FGD2: variants seen among roughly 807,000 people sequenced by gnomAD.
FGD2 encodes FYVE, RhoGEF and PH domain containing 2.
FGD2 carries 52 observed loss-of-function variants against 75.9 expected under a neutral mutation model. The ratio of observed to expected loss-of-function variants is 0.69; its 90% CI spans 0.55 to 0.86. The LOEUF is 0.86. Ranked by LOEUF, FGD2 falls within the 40% of genes least tolerant of loss-of-function variation. The pLI is 0.00. For missense variants in FGD2, 790 were observed against 872.0 expected (o/e 0.91, Z 1.18); for synonymous variants, 347 against 348.6 (o/e 1.00, Z 0.05).
rs1427817192 is a variant in FGD2 at position 37,011,787 on chromosome 6, A to G, written c.460A>G (p.Ile154Val). Residue 154 changes from isoleucine to valine, a missense_variant, in exon 4 of 16, where the codon ATC (isoleucine) becomes GTC (valine). Ile to Val is a conservative substitution (Grantham distance 29). Transcript: ENST00000274963. ...TGTGGTCAGGGTCATCTTCTCCAAC[A>G]TCTCCTCCATCTATCAGTTCCATTC... ...EDVVRVIFSN[I>V]SSIYQFHSQF... 1.9e-6 allele frequency: 3 copies of G among 1,613,932 alleles called. No individual in the cohort carries two copies. Among genetic ancestry groups the G allele is most frequent in the Non-Finnish European group, 2.5e-6 (3 of 1,179,998 alleles).
Position 37,021,536 on chromosome 6 carries a change from A to G in FGD2, c.1258A>G (p.Ile420Val). ...GGCCTTCCAAGCAGCCATTGACCAA[A>G]TCGAGAAGCGGAATGAAACCTTCAA... ...MQAFQAAIDQIEKRNETFKAA... is the reference protein window; with the variant it reads ...MQAFQAAIDQVEKRNETFKAA... Residue 420 changes from isoleucine (I) to valine (V), a missense_variant, in exon 12 of 16, where the codon ATC becomes GTC. Ile to Val is a conservative substitution (Grantham distance 29). Coordinates refer to ENST00000274963, the MANE Select transcript of FGD2 (RefSeq NM_173558.4). 1 of 1,613,958 alleles carries G rather than the reference A, an allele frequency of 6.2e-7. No individual in the cohort carries two copies. Among genetic ancestry groups the G allele is most frequent in the Non-Finnish European group, 8.5e-7 (1 of 1,179,896 alleles).
At position 37,022,242 on chromosome 6, in the gene FGD2, C is replaced by T; in HGVS notation, c.1330C>T (p.Gln444Ter). Residue 444 changes from glutamine (Q) to a stop codon, truncating the protein, a stop_gained, in exon 13 of 16, where the codon CAG becomes TAG. Transcript: ENST00000274963. LOFTEE classifies it high-confidence loss of function. ...CCCAACTCCCCTTAACCCACAGCTG[C>T]AGTCTGAGGAGCTGGGCCTCCGGGC... The part of the protein sequence containing the change: ...PEGDIQEQEL[Q>*]SEELGLRAPQ... The T allele has an allele frequency of 6.3e-7, 1 of 1,597,938 alleles. No individual in the cohort carries two copies. Among genetic ancestry groups the T allele is most frequent in the Non-Finnish European group, 8.5e-7 (1 of 1,171,822 alleles).
rs1583304592 is a variant in FGD2 at position 37,015,119 on chromosome 6, C to T, written c.1029+81C>T. On this transcript the variant is annotated intron_variant, in intron 8 of 15. Coordinates refer to ENST00000274963, the MANE Select transcript of FGD2 (RefSeq NM_173558.4). ...TCTGGCCCGAGTCATACTGCCTGGC[C>T]TCTACCTGGCACTGCAGGGGGACAG... 2.0e-6 allele frequency: 3 copies of T among 1,496,482 alleles called. No homozygotes were observed. The East Asian group carries it at 6.9e-5, about 34-fold the overall frequency. The allele number at this position is 1,496,482 out of a possible 1,614,324, so 92.7% of individuals were successfully genotyped here.
chr6:37,013,671 G>C lies in FGD2; in HGVS notation c.590G>C (p.Ser197Thr). ...QKLAPFLKMY[S>T]EYVKNFERAA... The stretch of plus-strand genomic sequence containing the variant: ...CTGGCCCCCTTCCTGAAGATGTACA[G>C]TGAGTATGTCAAGAACTTTGAGCGA... Residue 197 changes from serine to threonine, a missense_variant, in exon 5 of 16, where the codon AGT (serine) becomes ACT (threonine). Transcript: ENST00000274963. 6.2e-7 allele frequency: 1 copy of C among 1,614,110 alleles called. No homozygotes were observed. The highest frequency in any genetic ancestry group is 8.5e-7 in the Non-Finnish European group (1 of 1,179,974).
rs1238193758 is a variant in FGD2 at position 37,027,483 on chromosome 6, A to G, written c.1660A>G (p.Ile554Val). Residue 554 changes from isoleucine (I) to valine (V), a missense_variant, in exon 15 of 16, where the codon ATC becomes GTC. Transcript: ENST00000274963. ...CCTGATGTGCAGCTTCCTGCAGCTC[A>G]TCGGGGACAAGTGGGGCAAGAGCGG... Reference protein sequence around the residue: ...QSLMCSFLQLIGDKWGKSGPR... With the variant: ...QSLMCSFLQLVGDKWGKSGPR... The G allele has an allele frequency of 1.2e-6, 2 of 1,614,020 alleles. No homozygotes were observed. The highest frequency in any genetic ancestry group is 1.1e-5 in the South Asian group (1 of 91,064).
chr6:37,021,868 G>GTAGGGTT (rs1765606555), intron 12 of FGD2: 1 of 497,048 alleles, frequency 2.0e-6, no homozygotes, highest in African/African-American at 1.9e-5. Context: ...GCAGGGGGCA[G>GTAGGGTT]TAGGGTTTTG....
intron 8 of FGD2, 95 bp downstream of exon 8, chr6:37,015,133 G>A (rs1033619241): frequency 1.5e-5 from 22 of 1,443,898 alleles, no homozygotes; most frequent in Non-Finnish European, 2.0e-5. Context: ...ACCTGGCACT[G>A]CAGGGGGACA....
chr6:37,026,295 C>T, intron 14 of FGD2: 1 of 985,462 alleles, frequency 1.0e-6, no homozygotes, highest in Non-Finnish European at 1.2e-6. Context: ...TCACCGCTTC[C>T]ATTTTACAGA....
chr6:37,016,808 A>T (rs1450975049), intron 9 of FGD2, among the ~76,000 whole-genome samples: 1 of 152,178 alleles, frequency 6.6e-6, no homozygotes, highest in East Asian at 1.9e-4. Context: ...AAGTGCTGGG[A>T]TTACAGGCAT....
intron 9 of FGD2, among the ~76,000 whole-genome samples, chr6:37,020,265 A>G (rs544924606): frequency 6.6e-6 from 1 of 152,246 alleles, no homozygotes; most frequent in African/African-American, 2.4e-5. Context: ...TGTTGAATCC[A>G]TTGTCAAAAA....
Position 37,005,793 on chromosome 6 carries a change from G to A in FGD2, c.-25G>A, listed in dbSNP as rs753403410. 1.2e-6 allele frequency: 2 copies of A among 1,612,592 alleles called. No homozygotes were observed. The highest frequency in any genetic ancestry group is 1.7e-6 in the Non-Finnish European group (2 of 1,179,570). ...CTCTCTCTCTGCTTCGAGGGTAGCT[G>A]AGATCCACCCCGGAAACCGGCAGGA... On this transcript the variant is annotated 5_prime_UTR_variant, in exon 1 of 16. Coordinates refer to ENST00000274963, the MANE Select transcript of FGD2 (RefSeq NM_173558.4).
At chr6:37,027,149 C>T (rs1019022877) in intron 14 of FGD2, among the ~76,000 whole-genome samples, 3 of 152,184 alleles carry the variant, frequency 2.0e-5, no homozygotes, top group Non-Finnish European at 1.5e-5. Flanking sequence ...GGGCCCAATT[C>T]TGTTTCCTGG....
intron 9 of FGD2, among the ~76,000 whole-genome samples, chr6:37,017,979 C>G (rs564225049): frequency 6.6e-6 from 1 of 152,318 alleles, no homozygotes; most frequent in East Asian, 1.9e-4. Flanking sequence ...ATCTAGCTTT[C>G]CATCCTGAAG....
intron 1 of FGD2, among the ~76,000 whole-genome samples, chr6:37,006,539 G>A (rs773863457): frequency 8.5e-5 from 13 of 152,174 alleles, no homozygotes; most frequent in African/African-American, 1.2e-4. Flanking sequence ...ATGCTGGGGC[G>A]TCTGTCTGGA....
intron 7 of FGD2, 29 bp downstream of exon 7, chr6:37,014,733 T>G (rs1245470218): frequency 6.2e-7 from 1 of 1,613,758 alleles, no homozygotes. Context: ...CCTGGAGCCC[T>G]GTCCCCCTCC....
At chr6:37,025,678 C>A (rs185733960) in intron 13 of FGD2, 114 bp from the exon 14 acceptor site, 135 of 1,148,328 alleles carry the variant, frequency 1.2e-4, no homozygotes, top group Admixed American at 9.8e-4. Context: ...TCGAAGCTTT[C>A]TTTTCCTCCC....
intron 13 of FGD2, chr6:37,024,836 C>T (rs1444893425): frequency 6.6e-6 from 1 of 152,260 alleles, no homozygotes; most frequent in Non-Finnish European, 1.5e-5. Context: ...TTTCTGTCTC[C>T]CCTGCCTGCC....
intron 2 of FGD2, among the ~76,000 whole-genome samples, chr6:37,010,332 C>T (rs1323437445): frequency 1.2e-4 from 18 of 152,188 alleles, no homozygotes; most frequent in Admixed American, 1.2e-3. Flanking sequence ...CCTGGTGTGT[C>T]TTCCTCTTCT....
At chr6:37,016,506 T>C (rs1291641021) in intron 9 of FGD2, among the ~76,000 whole-genome samples, 1 of 150,710 alleles carries the variant, frequency 6.6e-6, no homozygotes, top group Non-Finnish European at 1.5e-5. Context: ...AACAGCCCCA[T>C]GATGCAGGGG....
Sources: allele counts gnomAD v4.1 joint callset (sites outside exome capture counted in the v4.1 genomes callset), GRCh38; gene constraint gnomAD v4.1.1; transcripts MANE v1.5; gene names NCBI Gene and HGNC (gene_info 2026-07-23, HGNC 2026-07-21).